PIP5KL1: variants seen among roughly 807,000 people sequenced by gnomAD.
The protein encoded by PIP5KL1 is phosphatidylinositol 4-phosphate 5-kinase-like protein 1.
Under a neutral mutation model 47.6 loss-of-function variants are expected in PIP5KL1, and 45 were observed. That is an observed-to-expected ratio of 0.94 (90% confidence interval 0.74 to 1.21). The LOEUF is 1.21. Among genes scored for constraint, PIP5KL1 ranks in the 50% most tolerant of loss-of-function variants. The pLI is 0.00. For missense variants in PIP5KL1, 577 were observed against 547.6 expected (o/e 1.05, Z -0.54); for synonymous variants, 256 against 234.6 (o/e 1.09, Z -0.84).
rs1043031858 is a variant in PIP5KL1 at position 127,930,644 on chromosome 9, C to T, written c.30+79G>A. The stretch of plus-strand genomic sequence containing the variant: ...TCCCAGGCTTGGATGGGGGCGTGTC[C>T]GCGCCGCTCGCCGAGGGGAGGCCCG... On this transcript the variant is annotated intron_variant, in intron 1 of 9. Transcript: ENST00000388747. The T allele has an allele frequency of 3.3e-5, 48 of 1,436,536 alleles. 1 individual carries two copies. The highest frequency in any genetic ancestry group is 4.4e-5 in the Non-Finnish European group (48 of 1,086,662). 89.0% of individuals were successfully genotyped at this position (1,436,536 alleles called of 1,614,324 possible).
chr9:127,927,625 G>T lies in PIP5KL1; in HGVS notation c.559+23C>A, dbSNP rs1458402016. On this transcript the variant is annotated intron_variant, in intron 5 of 9. Coordinates refer to ENST00000388747, the MANE Select transcript of PIP5KL1 (RefSeq NM_001135219.2). The surrounding 1 kb of genome is among the most constrained non-coding windows in gnomAD (Gnocchi z 5.5). ...TGATGACCTAGGACCCGCCCCCACC[G>T]AGCCCCGCCCCCAGCCAAGTACCCA... The T allele has an allele frequency of 1.9e-6, 2 of 1,052,822 alleles. No individual in the cohort carries two copies. The highest frequency in any genetic ancestry group is 2.3e-6 in the Non-Finnish European group (2 of 859,454). 65.2% of individuals were successfully genotyped at this position (1,052,822 alleles called of 1,614,324 possible).
rs371918775 is a variant in PIP5KL1 at position 127,929,800 on chromosome 9, G to A, written c.116C>T (p.Ser39Phe). The A allele has an allele frequency of 6.4e-7, 1 of 1,555,536 alleles. No homozygotes were observed. ...GCTGATCTCAAACAGGCCCAGGCGAGACTGCTTGTCTCGGAGGCGCCAGAG... is the reference window on the plus strand; with the variant it reads ...GCTGATCTCAAACAGGCCCAGGCGAAACTGCTTGTCTCGGAGGCGCCAGAG... ...GLLWRLRDKQ[S>F]RLGLFEISPG... The change falls in exon 2 of 10, where the codon TCT (serine) becomes TTT (phenylalanine). Residue 39 changes from serine (S) to phenylalanine (F), a missense_variant. Physicochemically the swap from Ser to Phe is radical, Grantham distance 155. Transcript: ENST00000388747. This position sits in a 1 kb window ranked among gnomAD's most constrained non-coding sequence, Gnocchi z 4.0.
chr9:127,927,047 C>A lies in PIP5KL1; in HGVS notation c.650+106G>T, dbSNP rs1831372355. The A allele has an allele frequency of 7.6e-7, 1 of 1,323,906 alleles. No homozygotes were observed. The highest frequency in any genetic ancestry group is 1.0e-6 in the Non-Finnish European group (1 of 973,884). The allele number at this position is 1,323,906 out of a possible 1,614,324, so 82.0% of individuals were successfully genotyped here. A position where few individuals can be genotyped will look rare whatever the true frequency, so the allele number is the denominator to read the frequency against. Reference sequence around the variant, plus strand: ...GACCCACCAGATCTTGGGAACGCCCCTTCTCCTTCCTGGGCCTCGGTTTCA... The same window carrying A: ...GACCCACCAGATCTTGGGAACGCCCATTCTCCTTCCTGGGCCTCGGTTTCA... On this transcript the variant is annotated intron_variant, in intron 7 of 9. Transcript: ENST00000388747. The surrounding 1 kb of genome is among the most constrained non-coding windows in gnomAD (Gnocchi z 5.5).
In PIP5KL1 at chr9:127,929,974, AC is replaced by A. The variant is rs1334256595; in HGVS notation, c.31-90del. On this transcript the variant is annotated intron_variant, in intron 1 of 9. Coordinates refer to ENST00000388747, the MANE Select transcript of PIP5KL1 (RefSeq NM_001135219.2). This position sits in a 1 kb window ranked among gnomAD's most constrained non-coding sequence, Gnocchi z 4.0. ...AAGTCCCACTTCCACTACTTGTGAGACTTCCCCTCATCTCTCTCTGCCTCAA... is the reference window on the plus strand; with the variant it reads ...AAGTCCCACTTCCACTACTTGTGAGATTCCCCTCATCTCTCTCTGCCTCAA... The A allele has an allele frequency of 8.5e-6, 10 of 1,172,150 alleles. No homozygotes were observed. Among genetic ancestry groups the A allele is most frequent in the Non-Finnish European group, 1.2e-5 (10 of 860,188 alleles). 72.6% of individuals were successfully genotyped at this position (1,172,150 alleles called of 1,614,324 possible).
chr9:127,925,639 T>A, intron 8 of PIP5KL1: 1 of 539,874 alleles, frequency 1.9e-6, no homozygotes, highest in South Asian at 2.0e-5. Flanking sequence ...CTAATTTGTG[T>A]GTTTTTCGTA....
At position 127,921,700 on chromosome 9, in the gene PIP5KL1, G is replaced by T; in HGVS notation, c.*147C>A. The T allele has an allele frequency of 8.7e-7, 1 of 1,147,806 alleles. No homozygotes were observed. The highest frequency in any genetic ancestry group is 1.2e-6 in the Non-Finnish European group (1 of 836,932). The allele number at this position is 1,147,806 out of a possible 1,614,324, so 71.1% of individuals were successfully genotyped here. ...CTGGGCACGGCACCACCGTCAAACG[G>T]GACTGCGCGGTTACGGTATTAGTTA... On this transcript the variant is annotated 3_prime_UTR_variant, in exon 10 of 10. Coordinates refer to ENST00000388747, the MANE Select transcript of PIP5KL1 (RefSeq NM_001135219.2).
At chr9:127,925,739 C>T (rs901531234) in intron 8 of PIP5KL1, 128 bp downstream of exon 8, 3 of 775,240 alleles carry the variant, frequency 3.9e-6, no homozygotes, top group Admixed American at 4.0e-5. Flanking sequence ...GCTGGAATTA[C>T]AGGCGTGAGC....
intron 2 of PIP5KL1, 75 bp from the exon 3 acceptor site, chr9:127,928,558 G>C: frequency 1.4e-6 from 2 of 1,390,750 alleles, no homozygotes; most frequent in African/African-American, 1.5e-5. Flanking sequence ...CAGATGTCCT[G>C]CACCTGGCCC....
In PIP5KL1 at chr9:127,921,430, G is replaced by A. The variant is rs2131632409; in HGVS notation, c.*417C>T. 1 of 167,956 alleles carries A rather than the reference G, an allele frequency of 6.0e-6. No homozygotes were observed. The highest frequency in any genetic ancestry group is 6.0e-5 in the Admixed American group (1 of 16,584). 10.4% of individuals were successfully genotyped at this position (167,956 alleles called of 1,614,324 possible). A position where few individuals can be genotyped will look rare whatever the true frequency, so the allele number is the denominator to read the frequency against. On this transcript the variant is annotated 3_prime_UTR_variant, in exon 10 of 10. Transcript: ENST00000388747. ...CAGTTTCCCCATCTGGATGACAAGA[G>A]GGCTGCAGCCTTCAGCCTCCCCCCT... is the stretch of plus-strand genomic sequence containing the variant.
intron 9 of PIP5KL1, among the ~76,000 whole-genome samples, chr9:127,923,904 C>T (rs1831323819): frequency 6.6e-6 from 1 of 152,226 alleles, no homozygotes; most frequent in African/African-American, 2.4e-5. Context: ...AGCCTCAGTT[C>T]TCACATTTCT....
chr9:127,922,947 C>T (rs1396721859), intron 9 of PIP5KL1, among the ~76,000 whole-genome samples: 2 of 152,146 alleles, frequency 1.3e-5, no homozygotes, highest in Admixed American at 1.3e-4. Context: ...GCTTTTGCGT[C>T]ACACAGACCC....
rs780668854 is a variant in PIP5KL1, at chr9:127,925,992, AC to A, written c.651-14del. 2.5e-6 allele frequency: 4 copies of A among 1,591,162 alleles called. No homozygotes were observed. Among genetic ancestry groups the A allele is most frequent in the Non-Finnish European group, 3.4e-6 (4 of 1,162,288 alleles). On this transcript the variant is annotated splice_polypyrimidine_tract_variant and intron_variant, in intron 7 of 9. Transcript: ENST00000388747. Reference sequence around the variant, plus strand: ...TTTGATGTCATACCTGGGTGGGGGGACAGAATTCAGCTTTACATAGATTTGA... The same window carrying A: ...TTTGATGTCATACCTGGGTGGGGGGAAGAATTCAGCTTTACATAGATTTGA...
At chr9:127,926,226 C>CTTT (rs755465515) in intron 7 of PIP5KL1, among the ~76,000 whole-genome samples, 1 of 128,082 alleles carries the variant, frequency 7.8e-6, no homozygotes, top group Non-Finnish European at 1.7e-5. Flanking sequence ...TCTTTCTTCC[C>CTTT]TTTTTTTTTT....
chr9:127,929,398 G>T lies in PIP5KL1; in HGVS notation c.228+290C>A, dbSNP rs1238279713. On this transcript the variant is annotated intron_variant, in intron 2 of 9. Transcript: ENST00000388747. This position sits in a 1 kb window ranked among gnomAD's most constrained non-coding sequence, Gnocchi z 4.0. ...CCCTGGCAGGGCTGGGAGGGCCTCAGAAACCAAGGAGTATAATCTCCCCCC... is the reference window on the plus strand; with the variant it reads ...CCCTGGCAGGGCTGGGAGGGCCTCATAAACCAAGGAGTATAATCTCCCCCC... Among the ~76,000 whole-genome samples, 1 of 152,008 alleles carries T rather than the reference G, an allele frequency of 6.6e-6. No individual in the cohort carries two copies. The highest frequency in any genetic ancestry group is 1.5e-5 in the Non-Finnish European group (1 of 68,000).
intron 9 of PIP5KL1, among the ~76,000 whole-genome samples, chr9:127,922,386 T>G (rs776888305): frequency 6.6e-6 from 1 of 152,170 alleles, no homozygotes; most frequent in Non-Finnish European, 1.5e-5. Flanking sequence ...CATACTCAAT[T>G]TCAAAGACAG....
Position 127,927,615 on chromosome 9 carries a change from C to T in PIP5KL1, c.559+33G>A. ...CCCAGGTATATGATGACCTAGGACC[C>T]GCCCCCACCGAGCCCCGCCCCCAGC... On this transcript the variant is annotated intron_variant, in intron 5 of 9. Transcript: ENST00000388747. This position sits in a 1 kb window ranked among gnomAD's most constrained non-coding sequence, Gnocchi z 5.5. The T allele has an allele frequency of 2.0e-6, 3 of 1,510,832 alleles. No homozygotes were observed. The highest frequency in any genetic ancestry group is 1.2e-5 in the South Asian group (1 of 82,048). The allele number at this position is 1,510,832 out of a possible 1,614,324, so 93.6% of individuals were successfully genotyped here. A position where few individuals can be genotyped will look rare whatever the true frequency, so the allele number is the denominator to read the frequency against.
At position 127,927,977 on chromosome 9, in the gene PIP5KL1, T is replaced by C. The variant is rs1831387789; in HGVS notation, c.434+88A>G. The stretch of plus-strand genomic sequence containing the variant: ...GATTAGGGCCGCTCTGTTTCTCTCT[T>C]CAGGGGGCCTTCCCCGCCACTGGGA... On this transcript the variant is annotated intron_variant, in intron 4 of 9. Transcript: ENST00000388747. The surrounding 1 kb of genome is among the most constrained non-coding windows in gnomAD (Gnocchi z 5.5). 1 of 1,454,348 alleles carries C rather than the reference T, an allele frequency of 6.9e-7. No individual in the cohort carries two copies. The highest frequency in any genetic ancestry group is 2.6e-5 in the Admixed American group (1 of 38,024). 90.1% of individuals were successfully genotyped at this position (1,454,348 alleles called of 1,614,324 possible).
intron 2 of PIP5KL1, 146 bp from the exon 3 acceptor site, chr9:127,928,629 C>A (rs1831397376): frequency 3.4e-6 from 3 of 887,906 alleles, no homozygotes; most frequent in Non-Finnish European, 5.0e-6. Flanking sequence ...TCTGAGAGTG[C>A]CTGAGTTGGG....
In PIP5KL1 at chr9:127,929,631, T is replaced by A; in HGVS notation, c.228+57A>T. 1.4e-6 allele frequency: 2 copies of A among 1,448,852 alleles called. No homozygotes were observed. Among genetic ancestry groups the A allele is most frequent in the Non-Finnish European group, 1.9e-6 (2 of 1,078,786 alleles). 89.7% of individuals were successfully genotyped at this position (1,448,852 alleles called of 1,614,324 possible). On this transcript the variant is annotated intron_variant, in intron 2 of 9. Coordinates refer to ENST00000388747, the MANE Select transcript of PIP5KL1 (RefSeq NM_001135219.2). The surrounding 1 kb of genome is among the most constrained non-coding windows in gnomAD (Gnocchi z 4.0). ...CCTGCAGTTTCAGCCAGACAGGGCA[T>A]CAGCCAAGTCTTGCCATTGCTGGTG...
Sources: gnomAD v4.1 joint callset for allele counts (sites outside exome capture counted in the v4.1 genomes callset) on GRCh38, gnomAD v4.1.1 for gene constraint, Gnocchi (gnomAD v3.1) non-coding constraint, MANE v1.5 for transcripts, NCBI Gene and HGNC (gene_info 2026-07-23, HGNC 2026-07-21) for gene names.